GPHN: variants seen among roughly 807,000 people sequenced by gnomAD.
The protein encoded by GPHN is gephyrin.
GPHN carries 17 observed loss-of-function variants against 95.5 expected under a neutral mutation model. The observed-to-expected ratio is 0.18, with a 90% CI of 0.12 to 0.27. The LOEUF is 0.27. Ranked by LOEUF, GPHN falls within the 10% of genes least tolerant of loss-of-function variation. The pLI is 1.00. For synonymous variants in GPHN, 320 were observed against 322.5 expected (o/e 0.99, Z 0.08); for missense variants, 660 against 978.1 (o/e 0.67, Z 4.34).
intron 1 of GPHN, among the ~76,000 whole-genome samples, chr14:66,659,047 T>C (rs1566775428): frequency 1.3e-5 from 2 of 151,946 alleles, no homozygotes; most frequent in Admixed American, 6.6e-5. Context: ...TTTGAGACTT[T>C]TACTGTTTTC....
In GPHN at chr14:67,165,222, A is replaced by C. The variant is rs150799851; in HGVS notation, c.1971A>C (p.Leu657=). 4.5e-4 allele frequency: 723 copies of C among 1,595,916 alleles called. No individual in the cohort carries two copies. The highest frequency in any genetic ancestry group is 6.0e-4 in the Non-Finnish European group (696 of 1,163,552). The change falls in exon 20 of 23, where the codon CTA becomes CTC. Residue 657 remains leucine (L), a synonymous_variant. Coordinates refer to ENST00000478722, the MANE Select transcript of GPHN (RefSeq NM_020806.5). Reference sequence around the variant, plus strand: ...GTGTAAGAAAAATAATCTTTGCACTACCTGGTAAGAATAACAAATTGTTTC... The same window carrying C: ...GTGTAAGAAAAATAATCTTTGCACTCCCTGGTAAGAATAACAAATTGTTTC... The part of the protein sequence containing the change: ...IDGVRKIIFA[L]PGNPVSAVVT...
At chr14:67,459,569 A>G in the GPHN span, among the ~76,000 whole-genome samples, 1 of 152,194 alleles carries the variant, frequency 6.6e-6, no homozygotes, top group Non-Finnish European at 1.5e-5. Flanking sequence ...CATCTTGAAA[A>G]GCCCTGCTTA....
the GPHN span, among the ~76,000 whole-genome samples, chr14:67,391,291 G>GTGTC: frequency 8.1e-4 from 122 of 151,360 alleles, 2 homozygotes; most frequent in African/African-American, 2.9e-3. Flanking sequence ...GTGTGTGTGT[G>GTGTC]TGTGTGTGTG....
chr14:67,034,571 T>C (rs949216746), intron 10 of GPHN, among the ~76,000 whole-genome samples: 1 of 152,026 alleles, frequency 6.6e-6, no homozygotes, highest in African/African-American at 2.4e-5. Context: ...AAGACACATA[T>C]AGGCTGAAAA....
At chr14:66,560,260 T>C (rs533081478) in intron 1 of GPHN, among the ~76,000 whole-genome samples, 342 of 152,310 alleles carry the variant, frequency 2.2e-3, no homozygotes, top group African/African-American at 7.7e-3. Context: ...AAAGTAGTTT[T>C]TTCCAATTCT....
the GPHN span, chr14:67,387,454 CCCCTAGG>C: frequency 6.2e-7 from 1 of 1,602,578 alleles, no homozygotes; most frequent in Admixed American, 1.7e-5. Context: ...TTCCCTTTAA[CCCCTAGG>C]CAGAAAAAAG....
chr14:67,656,411 C>A, the GPHN span: 2 of 1,599,476 alleles, frequency 1.3e-6, no homozygotes, highest in Admixed American at 3.4e-5. Context: ...TCTGCCCAGA[C>A]TTACTCTACT....
chr14:66,973,927 A>T (rs1386684533), intron 9 of GPHN, among the ~76,000 whole-genome samples: 1 of 152,264 alleles, frequency 6.6e-6, no homozygotes, highest in Non-Finnish European at 1.5e-5. Context: ...AGTCAGATCA[A>T]CATTGCTGGC....
intron 3 of GPHN, among the ~76,000 whole-genome samples, chr14:66,806,245 G>A (rs572338475): frequency 1.3e-5 from 2 of 152,274 alleles, no homozygotes; most frequent in South Asian, 2.1e-4. Flanking sequence ...CAAGTCCCTA[G>A]ACTGCACATA....
At chr14:66,724,237 T>G (rs2071022467) in intron 2 of GPHN, among the ~76,000 whole-genome samples, 1 of 152,178 alleles carries the variant, frequency 6.6e-6, no homozygotes, top group Admixed American at 6.5e-5. Context: ...GGGAGGGTTT[T>G]TTTTTAAGAT....
intron 15 of GPHN, among the ~76,000 whole-genome samples, chr14:67,112,503 TA>T (rs2078435899): frequency 6.6e-6 from 1 of 152,218 alleles, no homozygotes; most frequent in South Asian, 2.1e-4. Flanking sequence ...ACACCAAGGT[TA>T]ATGTACCTCA....
At chr14:66,664,346 C>T (rs372632756) in intron 1 of GPHN, among the ~76,000 whole-genome samples, 2 of 152,132 alleles carry the variant, frequency 1.3e-5, no homozygotes, top group Non-Finnish European at 1.5e-5. Flanking sequence ...CAAAACCACA[C>T]GATTGCATGA....
chr14:67,019,779 C>G (rs2073505424), intron 9 of GPHN, among the ~76,000 whole-genome samples: 1 of 152,150 alleles, frequency 6.6e-6, no homozygotes, highest in Non-Finnish European at 1.5e-5. Flanking sequence ...ATTCCACACA[C>G]TAGCTTCAAG....
chr14:67,692,258 G>A, the GPHN span: 1 of 643,318 alleles, frequency 1.6e-6, no homozygotes, highest in South Asian at 1.9e-5. Context: ...TTTTGTTTCT[G>A]CCTCTGGAAG....
intron 2 of GPHN, among the ~76,000 whole-genome samples, chr14:66,733,711 T>C (rs2072008882): frequency 6.6e-6 from 1 of 152,186 alleles, no homozygotes; most frequent in Admixed American, 6.5e-5. Context: ...GGAAGGCACA[T>C]ATCTATCAAA....
chr14:67,159,548 A>G (rs1302716879), intron 19 of GPHN, 60 bp downstream of exon 19: 8 of 860,822 alleles, frequency 9.3e-6, no homozygotes, highest in Admixed American at 1.7e-5. Flanking sequence ...TTAACTAACA[A>G]ATTTTTAAAT....
chr14:67,574,270 T>C, the GPHN span: 1 of 1,608,176 alleles, frequency 6.2e-7, no homozygotes, highest in Non-Finnish European at 8.5e-7. The surrounding 1 kb of genome is among the most constrained non-coding windows in gnomAD (Gnocchi z 4.2). Context: ...ACCTACTACC[T>C]GACGGCCGAT....
At chr14:67,043,160 A>G (rs188522480) in intron 10 of GPHN, among the ~76,000 whole-genome samples, 2 of 152,316 alleles carry the variant, frequency 1.3e-5, no homozygotes, top group Admixed American at 6.5e-5. Context: ...TAAATATACA[A>G]TCATGTCATC....
intron 1 of GPHN, among the ~76,000 whole-genome samples, chr14:66,570,704 T>C (rs2060653416): frequency 6.6e-6 from 1 of 152,196 alleles, no homozygotes; most frequent in Non-Finnish European, 1.5e-5. Context: ...CTGTTTTCCA[T>C]TGTGGCTGTA....
Sources: gnomAD v4.1 joint callset for allele counts (sites outside exome capture counted in the v4.1 genomes callset) on GRCh38, gnomAD v4.1.1 for gene constraint, Gnocchi (gnomAD v3.1) non-coding constraint, MANE v1.5 for transcripts, NCBI Gene and HGNC (gene_info 2026-07-23, HGNC 2026-07-21) for gene names.